Variants in CSMD1 observed in about 807,000 individuals in gnomAD.
CSMD1 encodes CUB and sushi domain-containing protein 1.
In CSMD1, 213 loss-of-function variants were observed where a neutral mutation model predicts 417.5. The observed-to-expected ratio is 0.51, with a 90% CI of 0.46 to 0.57. The LOEUF (loss-of-function observed/expected upper bound fraction) is 0.57. CSMD1 is among the 20% of genes least tolerant of loss of function. The pLI is 0.00. For missense variants in CSMD1, 6,923 were observed against 4,529.7 expected, an observed-to-expected ratio of 1.53 and a Z score of -15.17; for synonymous variants, 2,862 against 1,736.8, an observed-to-expected ratio of 1.65 and a Z score of -16.11.
At chr8:4,466,017 A>G (rs564098474) in intron 2 of CSMD1, among the ~76,000 whole-genome samples, 1 of 152,242 alleles carries the variant, frequency 6.6e-6, no homozygotes, top group Non-Finnish European at 1.5e-5. Flanking sequence ...GTGCAATCAC[A>G]TTTGGATTGA....
intron 1 of CSMD1, among the ~76,000 whole-genome samples, chr8:4,917,043 G>C (rs1806110839): frequency 6.6e-6 from 1 of 152,180 alleles, no homozygotes; most frequent in Non-Finnish European, 1.5e-5. Flanking sequence ...TTTTGAAGAA[G>C]AGAGATTTAA....
At chr8:3,624,523 G>C (rs1264510864) in intron 7 of CSMD1, among the ~76,000 whole-genome samples, 1 of 152,192 alleles carries the variant, frequency 6.6e-6, no homozygotes, top group Non-Finnish European at 1.5e-5. Context: ...TTTCTTCAAA[G>C]ATGTACAGAT....
intron 17 of CSMD1, among the ~76,000 whole-genome samples, chr8:3,390,092 T>C (rs1372853796): frequency 1.3e-5 from 2 of 152,038 alleles, no homozygotes; most frequent in East Asian, 1.9e-4. Flanking sequence ...CGGTGGCTCA[T>C]GCTTGTAATC....
At chr8:3,236,206 C>T (rs531318961) in intron 26 of CSMD1, among the ~76,000 whole-genome samples, 2 of 152,136 alleles carry the variant, frequency 1.3e-5, no homozygotes, top group African/African-American at 4.8e-5. Context: ...GTGTGAGCCA[C>T]CGCGCCTCGC....
intron 1 of CSMD1, among the ~76,000 whole-genome samples, chr8:4,845,294 A>G (rs1801078761): frequency 6.6e-6 from 1 of 152,218 alleles, no homozygotes; most frequent in African/African-American, 2.4e-5. Flanking sequence ...TAGAAAACGA[A>G]CACTGTTAAT....
At chr8:4,039,564 G>T (rs1227074367) in intron 3 of CSMD1, among the ~76,000 whole-genome samples, 2 of 152,286 alleles carry the variant, frequency 1.3e-5, no homozygotes, top group East Asian at 1.9e-4. Flanking sequence ...CCAGGAGGTG[G>T]CAGTCATTGA....
At chr8:4,796,745 TTCAGTGGAGCCGA>T (rs1162784379) in intron 1 of CSMD1, among the ~76,000 whole-genome samples, 1 of 152,184 alleles carries the variant, frequency 6.6e-6, no homozygotes, top group African/African-American at 2.4e-5. Flanking sequence ...CATTTTTTAT[TTCAGTGGAGCCGA>T]ATTCAGTCCC....
At chr8:3,883,833 A>G (rs2930340) in intron 5 of CSMD1, among the ~76,000 whole-genome samples, 32,829 of 151,988 alleles carry the variant, frequency 0.22, 4,040 homozygotes, top group African/African-American at 0.33. Context: ...AGAGGAATGA[A>G]TGCATTTAAC....
intron 25 of CSMD1, among the ~76,000 whole-genome samples, chr8:3,302,370 T>G (rs1804482719): frequency 6.6e-6 from 1 of 152,186 alleles, no homozygotes; most frequent in Admixed American, 6.5e-5. Flanking sequence ...TCCTACGTCC[T>G]TCTTGGCTGA....
At chr8:4,406,807 A>G (rs1484828656) in intron 3 of CSMD1, among the ~76,000 whole-genome samples, 1 of 152,232 alleles carries the variant, frequency 6.6e-6, no homozygotes, top group Non-Finnish European at 1.5e-5. Flanking sequence ...GATGAAGGTG[A>G]CTAACAAAGT....
chr8:4,963,107 C>A (rs1175128816), intron 1 of CSMD1, among the ~76,000 whole-genome samples: 1 of 152,198 alleles, frequency 6.6e-6, no homozygotes, highest in Non-Finnish European at 1.5e-5. Flanking sequence ...AGAATATAGG[C>A]TTATTTCCCA....
At chr8:3,510,802 G>A (rs1002060985) in intron 10 of CSMD1, among the ~76,000 whole-genome samples, 1 of 151,808 alleles carries the variant, frequency 6.6e-6, no homozygotes, top group Non-Finnish European at 1.5e-5. Context: ...CCGCATAAAT[G>A]TCTTCTTTTG....
At chr8:4,175,091 T>A (rs950121174) in intron 3 of CSMD1, among the ~76,000 whole-genome samples, 1 of 151,936 alleles carries the variant, frequency 6.6e-6, no homozygotes. Context: ...TGCACTTTCA[T>A]AGACAAATTT....
intron 1 of CSMD1, among the ~76,000 whole-genome samples, chr8:4,797,486 T>C (rs973426588): frequency 3.0e-4 from 45 of 152,188 alleles, no homozygotes; most frequent in African/African-American, 9.2e-4. Flanking sequence ...GCAAAAGTCA[T>C]TGTGGTCTTT....
chr8:3,658,257 G>A (rs893602014), intron 7 of CSMD1, among the ~76,000 whole-genome samples: 1 of 152,030 alleles, frequency 6.6e-6, no homozygotes, highest in Non-Finnish European at 1.5e-5. Context: ...GCATGGGAGT[G>A]AAATGTATTT....
intron 3 of CSMD1, among the ~76,000 whole-genome samples, chr8:4,033,634 C>G (rs930698519): frequency 6.6e-6 from 1 of 152,276 alleles, no homozygotes; most frequent in South Asian, 2.1e-4. Flanking sequence ...TTCTCAGGAC[C>G]TCCTGAGGGC....
intron 5 of CSMD1, among the ~76,000 whole-genome samples, chr8:3,777,521 A>T (rs189129070): frequency 1.0e-3 from 154 of 152,244 alleles, no homozygotes; most frequent in Non-Finnish European, 1.8e-3. Context: ...GCACCATAAA[A>T]TCCTACAGGA....
intron 2 of CSMD1, among the ~76,000 whole-genome samples, chr8:4,528,359 G>A (rs1471150027): frequency 6.6e-6 from 1 of 152,154 alleles, no homozygotes; most frequent in Admixed American, 6.5e-5. Flanking sequence ...GGAAGTCACA[G>A]AAAGACATTC....
intron 1 of CSMD1, among the ~76,000 whole-genome samples, chr8:4,894,179 C>T (rs1030703682): frequency 6.6e-6 from 1 of 152,024 alleles, no homozygotes; most frequent in Non-Finnish European, 1.5e-5. Context: ...GTTATTAGCT[C>T]TTTCTATATG....
Sources: allele counts gnomAD v4.1 joint callset (sites outside exome capture counted in the v4.1 genomes callset), GRCh38; gene constraint gnomAD v4.1.1; transcripts MANE v1.5; gene names NCBI Gene and HGNC (gene_info 2026-07-23, HGNC 2026-07-21).